The following PTPRD variants were observed in gnomAD, a reference collection of about 807,000 sequenced individuals.
PTPRD encodes protein tyrosine phosphatase receptor type D.
In PTPRD, 34 loss-of-function variants were observed where a neutral mutation model predicts 214.5. The ratio of observed to expected loss-of-function variants is 0.16; its 90% CI spans 0.12 to 0.21. PTPRD has a LOEUF of 0.21. Ranked by LOEUF, PTPRD falls within the 10% of genes least tolerant of loss-of-function variation. The pLI, the probability that PTPRD is intolerant of heterozygous loss-of-function variation, is 1.00. For missense variants in PTPRD, 2,545 were observed against 2,398.7 expected, an observed-to-expected ratio of 1.06 and a Z score of -1.27; for synonymous variants, 1,128 against 845.7, an observed-to-expected ratio of 1.33 and a Z score of -5.79.
At chr9:9,743,518 C>G (rs1238945401) in intron 6 of PTPRD, among the ~76,000 whole-genome samples, 1 of 152,046 alleles carries the variant, frequency 6.6e-6, no homozygotes, top group African/African-American at 2.4e-5. Flanking sequence ...TAATCCTGGA[C>G]TTCATGGGCC....
At chr9:9,263,900 C>A (rs1757218726) in intron 9 of PTPRD, among the ~76,000 whole-genome samples, 1 of 151,462 alleles carries the variant, frequency 6.6e-6, no homozygotes, top group Non-Finnish European at 1.5e-5. Flanking sequence ...ACCTGCATAT[C>A]AATCCCCTGT....
At chr9:9,090,869 A>G (rs2099774540) in intron 10 of PTPRD, 2 of 939,066 alleles carry the variant, frequency 2.1e-6, no homozygotes, top group Non-Finnish European at 3.5e-6. Context: ...AATTTCTTTA[A>G]ATAGCTGTCT....
At chr9:9,292,058 G>A (rs1951333029) in intron 9 of PTPRD, among the ~76,000 whole-genome samples, 1 of 151,272 alleles carries the variant, frequency 6.6e-6, no homozygotes, top group Admixed American at 6.6e-5. Flanking sequence ...TATCTCCTCA[G>A]AAGATTCATG....
At chr9:8,921,532 C>T (rs539474191) in intron 11 of PTPRD, among the ~76,000 whole-genome samples, 112 of 151,536 alleles carry the variant, frequency 7.4e-4, no homozygotes, top group Non-Finnish European at 1.5e-3. Flanking sequence ...CTCACTCTGT[C>T]GCCCAGGCTG....
rs572528514 is a variant in PTPRD at position 9,735,222 on chromosome 9, T to G, written c.-325-651A>C. 3.9e-4 allele frequency among the ~76,000 whole-genome samples: 59 copies of G among 152,212 alleles called. No homozygotes were observed. In the South Asian group the frequency reaches 0.011, roughly 29 times the overall value. On this transcript the variant is annotated intron_variant, in intron 6 of 45. Transcript: ENST00000381196. ...ATGGGATGCAAAGGTTTTATAAATGTTGTCTTGTGTAAAGAAAATGGCAAA... is the reference window on the plus strand; with the variant it reads ...ATGGGATGCAAAGGTTTTATAAATGGTGTCTTGTGTAAAGAAAATGGCAAA...
intron 4 of PTPRD, among the ~76,000 whole-genome samples, chr9:10,030,551 C>T (rs992444425): frequency 1.3e-5 from 2 of 151,930 alleles, no homozygotes; most frequent in Non-Finnish European, 2.9e-5. Context: ...AGAGAAGAAA[C>T]ATGAGTGACT....
chr9:8,949,091 G>A (rs548538154), intron 11 of PTPRD, among the ~76,000 whole-genome samples: 1 of 151,772 alleles, frequency 6.6e-6, no homozygotes, highest in African/African-American at 2.4e-5. Context: ...GGGTGTAGTG[G>A]CGGGCACCTG....
intron 3 of PTPRD, among the ~76,000 whole-genome samples, chr9:10,131,799 A>G (rs1297202027): frequency 6.6e-6 from 1 of 152,204 alleles, no homozygotes; most frequent in African/African-American, 2.4e-5. Context: ...TTTAGGATGC[A>G]GTAAAGGTGG....
intron 11 of PTPRD, among the ~76,000 whole-genome samples, chr9:8,949,338 A>T (rs1234678859): frequency 6.6e-6 from 1 of 152,088 alleles, no homozygotes; most frequent in Non-Finnish European, 1.5e-5. Context: ...TTGTCTTATT[A>T]TTTTTAAAGA....
chr9:9,572,753 T>A (rs1304967261), intron 8 of PTPRD, among the ~76,000 whole-genome samples: 2 of 151,088 alleles, frequency 1.3e-5, no homozygotes, highest in Non-Finnish European at 1.5e-5. Flanking sequence ...GCAAAAGTTT[T>A]AGGACATTTC....
At chr9:10,073,129 G>C (rs1425630130) in intron 3 of PTPRD, among the ~76,000 whole-genome samples, 3 of 152,052 alleles carry the variant, frequency 2.0e-5, no homozygotes, top group African/African-American at 7.2e-5. Flanking sequence ...GGGTTTAGTG[G>C]AGAGGAGAAC....
chr9:8,376,336 G>C (rs910141410), intron 38 of PTPRD, among the ~76,000 whole-genome samples: 3 of 152,042 alleles, frequency 2.0e-5, no homozygotes, highest in African/African-American at 7.2e-5. Flanking sequence ...TACCAGGAGA[G>C]CTCCTATCAC....
At chr9:9,012,159 C>T (rs1262533094) in intron 11 of PTPRD, among the ~76,000 whole-genome samples, 1 of 152,092 alleles carries the variant, frequency 6.6e-6, no homozygotes, top group African/African-American at 2.4e-5. Context: ...CAGCCAAAGC[C>T]AAAGCCCTCA....
chr9:10,345,594 C>T (rs878994799), intron 2 of PTPRD, among the ~76,000 whole-genome samples: 1 of 152,178 alleles, frequency 6.6e-6, no homozygotes, highest in Non-Finnish European at 1.5e-5. Flanking sequence ...AGGACATGAA[C>T]TCATCCTTTT....
chr9:9,737,177 T>C (rs967150428), intron 6 of PTPRD, among the ~76,000 whole-genome samples: 1 of 152,098 alleles, frequency 6.6e-6, no homozygotes, highest in Non-Finnish European at 1.5e-5. Context: ...TCTACAATAT[T>C]AGTCATGAAT....
chr9:9,657,369 A>G (rs187676900), intron 7 of PTPRD, among the ~76,000 whole-genome samples: 1 of 152,186 alleles, frequency 6.6e-6, no homozygotes, highest in African/African-American at 2.4e-5. Flanking sequence ...AACAAACACC[A>G]CATATTCTCA....
At chr9:10,438,545 C>G (rs76130562) in intron 2 of PTPRD, among the ~76,000 whole-genome samples, 4,138 of 151,666 alleles carry the variant, frequency 0.027, 177 homozygotes, top group African/African-American at 0.093. Flanking sequence ...CCGCCACTCC[C>G]AAGGTTGTCT....
intron 9 of PTPRD, among the ~76,000 whole-genome samples, chr9:9,336,943 TA>T (rs1466855204): frequency 1.3e-5 from 2 of 152,220 alleles, no homozygotes; most frequent in East Asian, 3.8e-4. Context: ...AACAGCTGTA[TA>T]TTTTTTACAC....
chr9:9,480,830 T>C (rs1011979470), intron 8 of PTPRD, among the ~76,000 whole-genome samples: 8 of 152,098 alleles, frequency 5.3e-5, no homozygotes, highest in Admixed American at 5.2e-4. Context: ...ATGTGGTACG[T>C]GGACTGTCTC....
Sources: gnomAD v4.1 joint callset for allele counts (sites outside exome capture counted in the v4.1 genomes callset) on GRCh38, gnomAD v4.1.1 for gene constraint, MANE v1.5 for transcripts, NCBI Gene and HGNC (gene_info 2026-07-23, HGNC 2026-07-21) for gene names.